Variants in WFDC10B observed in about 807,000 individuals in gnomAD.
WFDC10B encodes the protein protein WFDC10B.
In WFDC10B, 1 loss-of-function variant was observed where a neutral mutation model predicts 2.7. The ratio of observed to expected loss-of-function variants is 0.38; its 90% CI spans 0.13 to 1.79. The LOEUF is 1.79. Ranked by LOEUF, WFDC10B falls within the 40% of genes most tolerant of loss-of-function variation. The probability of loss-of-function intolerance (pLI) is 0.33; values close to 1 mark genes in which losing one functional copy is unlikely to be tolerated. For missense variants in WFDC10B, 71 were observed against 87.8 expected (o/e 0.81, Z 0.76); for synonymous variants, 26 against 32.2 (o/e 0.81, Z 0.65).
intron 2 of WFDC10B, among the ~76,000 whole-genome samples, chr20:45,697,322 C>G (rs1341183555): frequency 6.7e-6 from 1 of 149,012 alleles, no homozygotes. Flanking sequence ...CCACAAAATA[C>G]AGAACATTGC....
chr20:45,688,628 C>T (rs1983707968), intron 2 of WFDC10B, among the ~76,000 whole-genome samples: 1 of 152,076 alleles, frequency 6.6e-6, no homozygotes, highest in Non-Finnish European at 1.5e-5. Flanking sequence ...TTTTTGGCTG[C>T]ATAAATGTCT....
chr20:45,686,200 T>C, intron 2 of WFDC10B, 144 bp from the exon 3 acceptor site: 1 of 934,864 alleles, frequency 1.1e-6, no homozygotes, highest in Non-Finnish European at 1.5e-6. Context: ...ATAGGGCTTC[T>C]GCAGGAATGA....
chr20:45,703,239 A>T (rs2145644507), intron 2 of WFDC10B, among the ~76,000 whole-genome samples: 1 of 152,256 alleles, frequency 6.6e-6, no homozygotes, highest in South Asian at 2.1e-4. Flanking sequence ...CAAGCTCTTC[A>T]AAGTGTGGAT....
At chr20:45,701,308 A>G (rs977447744) in intron 2 of WFDC10B, among the ~76,000 whole-genome samples, 3 of 152,222 alleles carry the variant, frequency 2.0e-5, no homozygotes, top group African/African-American at 7.2e-5. Context: ...ACTACGAAAT[A>G]GGGAAGTGAA....
At position 45,704,552 on chromosome 20, in the gene WFDC10B, G is replaced by A. The variant is rs747492246; in HGVS notation, c.-120C>T. 1 of 1,614,138 alleles carries A rather than the reference G, an allele frequency of 6.2e-7. No homozygotes were observed. Among genetic ancestry groups the A allele is most frequent in the Non-Finnish European group, 8.5e-7 (1 of 1,180,018 alleles). ...GGATTTCAGTGCTGTTCCTCCTTCT[G>A]TGGGATAGTCTGTTCATCAGAAACA... On this transcript the variant is annotated 5_prime_UTR_variant, in exon 2 of 4. Transcript: ENST00000330523.
chr20:45,697,202 C>A (rs1006538170), intron 2 of WFDC10B, among the ~76,000 whole-genome samples: 1 of 151,938 alleles, frequency 6.6e-6, no homozygotes, highest in African/African-American at 2.4e-5. Flanking sequence ...TAAACACCAG[C>A]AATGAGCAAT....
At chr20:45,704,769 T>C in intron 1 of WFDC10B, 149 bp downstream of exon 1, 1 of 1,310,936 alleles carries the variant, frequency 7.6e-7, no homozygotes, top group Non-Finnish European at 1.1e-6. Context: ...AAGTCCTGAT[T>C]AGAAAAGCCC....
At chr20:45,687,864 T>TTAG (rs1491222107) in intron 2 of WFDC10B, among the ~76,000 whole-genome samples, 1 of 136,898 alleles carries the variant, frequency 7.3e-6, no homozygotes, top group African/African-American at 2.6e-5. Flanking sequence ...TTTTCTTTTA[T>TTAG]TATTATTATT....
intron 2 of WFDC10B, among the ~76,000 whole-genome samples, chr20:45,693,624 C>T (rs1303586090): frequency 6.6e-6 from 1 of 152,166 alleles, no homozygotes; most frequent in African/African-American, 2.4e-5. Flanking sequence ...GCATAGGACC[C>T]TCCGAGCCAG....
chr20:45,698,438 C>G (rs1465255867), intron 2 of WFDC10B, among the ~76,000 whole-genome samples: 1 of 151,882 alleles, frequency 6.6e-6, no homozygotes, highest in Non-Finnish European at 1.5e-5. Flanking sequence ...CGGACTTCAT[C>G]AAAGTTAAAA....
rs560566860 is a variant in WFDC10B at position 45,686,181 on chromosome 20, C to T, written c.-64-125G>A. ...TGCCTTCTCCTGGCCCTGTCCTTCT[C>T]CATGTAGGATAGGGCTTCTGCAGGA... On this transcript the variant is annotated intron_variant, in intron 2 of 3. Coordinates refer to ENST00000330523, the MANE Select transcript of WFDC10B (RefSeq NM_172006.2). The T allele has an allele frequency of 4.0e-4, 465 of 1,161,402 alleles. 2 individuals carry two copies. In the African/African-American group the frequency reaches 6.4e-3, roughly 16 times the overall value. 71.9% of individuals were successfully genotyped at this position (1,161,402 alleles called of 1,614,324 possible).
intron 2 of WFDC10B, among the ~76,000 whole-genome samples, chr20:45,692,193 G>A (rs1013749860): frequency 1.9e-4 from 29 of 152,132 alleles, no homozygotes; most frequent in African/African-American, 7.0e-4. Context: ...TAGAGTTTCT[G>A]CCGAGAGATC....
chr20:45,689,202 C>T (rs1983727845), intron 2 of WFDC10B, among the ~76,000 whole-genome samples: 1 of 150,978 alleles, frequency 6.6e-6, no homozygotes, highest in African/African-American at 2.5e-5. Flanking sequence ...TGATCTATAT[C>T]TCTGTTTTGG....
At chr20:45,686,495 T>C (rs1316302094) in intron 2 of WFDC10B, among the ~76,000 whole-genome samples, 2 of 151,738 alleles carry the variant, frequency 1.3e-5, no homozygotes, top group Non-Finnish European at 2.9e-5. Context: ...CATGCAAATA[T>C]TTACAATGTC....
intron 2 of WFDC10B, among the ~76,000 whole-genome samples, chr20:45,697,420 T>C (rs2145640432): frequency 7.2e-6 from 1 of 138,430 alleles, no homozygotes; most frequent in African/African-American, 2.7e-5. Context: ...CGTCTGGCTC[T>C]GTCACCCAGG....
At chr20:45,691,725 G>A (rs992418429) in intron 2 of WFDC10B, among the ~76,000 whole-genome samples, 2 of 152,104 alleles carry the variant, frequency 1.3e-5, no homozygotes, top group Non-Finnish European at 2.9e-5. Flanking sequence ...TTGAGCCTAT[G>A]TGTGTCTCTG....
rs202149081 is a variant in WFDC10B at position 45,702,092 on chromosome 20, G to A, written c.-65+2405C>T. The A allele has an allele frequency of 2.5e-5, 40 of 1,602,406 alleles. No individual in the cohort carries two copies. The East Asian group carries it at 9.0e-4, about 36-fold the overall frequency. ...GCCTGGTCAAACCCAGCAACCCTTG[G>A]CCAGAACTTACTCACCCATCCCACT... On this transcript the variant is annotated intron_variant, in intron 2 of 3. Transcript: ENST00000330523.
chr20:45,704,923 GGT>G lies in WFDC10B; in HGVS notation c.-137_-136del. The G allele has an allele frequency of 1.9e-6, 3 of 1,614,032 alleles. No homozygotes were observed. Among genetic ancestry groups the G allele is most frequent in the Non-Finnish European group, 1.7e-6 (2 of 1,179,968 alleles). On this transcript the variant is annotated 5_prime_UTR_variant, in exon 1 of 4. It introduces an in-frame stop codon into an upstream open reading frame of the 5' UTR. Transcript: ENST00000330523. ...TTATCCCAGGGACACTGTACCTGCA[GGT>G]GTAACCAAAATCCCAAAGCAAAATT...
chr20:45,703,135 C>T (rs1984234825), intron 2 of WFDC10B, among the ~76,000 whole-genome samples: 1 of 152,146 alleles, frequency 6.6e-6, no homozygotes. Flanking sequence ...AAGTTGGGAC[C>T]AGATACCCAG....
Sources: gnomAD v4.1 joint callset for allele counts (sites outside exome capture counted in the v4.1 genomes callset) on GRCh38, gnomAD v4.1.1 for gene constraint, MANE v1.5 for transcripts, NCBI Gene and HGNC (gene_info 2026-07-23, HGNC 2026-07-21) for gene names.